PPARGC1B: variants seen among roughly 807,000 people sequenced by gnomAD.
The protein encoded by PPARGC1B is PPARG coactivator 1 beta.
PPARGC1B carries 34 observed loss-of-function variants against 101.6 expected under a neutral mutation model. The observed-to-expected ratio is 0.33, with a 90% CI of 0.25 to 0.45. PPARGC1B has a LOEUF of 0.45. Ranked by LOEUF, PPARGC1B falls within the 20% of genes least tolerant of loss-of-function variation. The pLI, the probability that PPARGC1B is intolerant of heterozygous loss-of-function variation, is 1.00. For missense variants in PPARGC1B, 1,234 were observed against 1,317.6 expected (o/e 0.94, Z 0.98); for synonymous variants, 548 against 539.3 (o/e 1.02, Z -0.22).
intron 8 of PPARGC1B, among the ~76,000 whole-genome samples, chr5:149,838,594 T>C (rs893054367): frequency 6.6e-6 from 1 of 152,240 alleles, no homozygotes; most frequent in Non-Finnish European, 1.5e-5. Flanking sequence ...GGAGCTTCCC[T>C]GGTCTCCTTT....
chr5:149,830,658 C>T, intron 3 of PPARGC1B, 109 bp from the exon 4 acceptor site: 4 of 760,366 alleles, frequency 5.3e-6, no homozygotes, highest in South Asian at 4.7e-5. Flanking sequence ...CCTGTGTTCT[C>T]CCTGTGGTCC....
chr5:149,849,803 G>C lies in PPARGC1B; in HGVS notation c.*2245G>C, dbSNP rs576248064. ...CCCACGTCCCCTTGCAGAGGGTGCA[G>C]GGGGCGGTAGACGAATGACAGACAG... On this transcript the variant is annotated 3_prime_UTR_variant, in exon 12 of 12. Coordinates refer to ENST00000309241, the MANE Select transcript of PPARGC1B (RefSeq NM_133263.4). The C allele has an allele frequency of 2.6e-5, 4 of 152,376 alleles. No individual in the cohort carries two copies. The highest frequency in any genetic ancestry group is 9.6e-5 in the African/African-American group (4 of 41,584). The allele number at this position is 152,376 out of a possible 1,614,324, so 9.4% of individuals were successfully genotyped here. A position where few individuals can be genotyped will look rare whatever the true frequency, so the allele number is the denominator to read the frequency against.
At chr5:149,800,045 TAAA>T (rs1757380118) in intron 1 of PPARGC1B, among the ~76,000 whole-genome samples, 1 of 150,672 alleles carries the variant, frequency 6.6e-6, no homozygotes, top group Non-Finnish European at 1.5e-5. Flanking sequence ...ATGATAAAAA[TAAA>T]AACCTTCAAA....
intron 1 of PPARGC1B, among the ~76,000 whole-genome samples, chr5:149,748,501 C>T (rs772454483): frequency 3.9e-5 from 6 of 152,040 alleles, no homozygotes; most frequent in Admixed American, 3.3e-4. Context: ...TCCTTGTGCA[C>T]GGGAAACCAG....
At chr5:149,754,985 A>G (rs991926885) in intron 1 of PPARGC1B, among the ~76,000 whole-genome samples, 1 of 148,276 alleles carries the variant, frequency 6.7e-6, no homozygotes, top group Non-Finnish European at 1.5e-5. Flanking sequence ...CACACTATAT[A>G]TATACACACA....
intron 1 of PPARGC1B, among the ~76,000 whole-genome samples, chr5:149,760,500 G>T (rs749358434): frequency 1.1e-4 from 16 of 152,196 alleles, no homozygotes; most frequent in Non-Finnish European, 1.3e-4. Context: ...CACAGAGTGG[G>T]TGTGAGAATT....
In PPARGC1B at chr5:149,833,731, G is replaced by T; in HGVS notation, c.1658G>T (p.Cys553Phe). ...CTGGAGAGCCCCTGTGAGAGTGGGT[G>T]TGGGGACATGGATGAGGACCCCAGC... ...PALESPCESG[C>F]GDMDEDPSCP... The change falls in exon 5 of 12, where the codon TGT becomes TTT. Residue 553 changes from cysteine (C) to phenylalanine (F), a missense_variant. Transcript: ENST00000309241. This position sits in a 1 kb window ranked among gnomAD's most constrained non-coding sequence, Gnocchi z 4.1. 1 of 1,586,874 alleles carries T rather than the reference G, an allele frequency of 6.3e-7. No homozygotes were observed. Among genetic ancestry groups the T allele is most frequent in the Non-Finnish European group, 8.5e-7 (1 of 1,169,872 alleles).
At chr5:149,787,291 G>A (rs1415502599) in intron 1 of PPARGC1B, among the ~76,000 whole-genome samples, 4 of 152,160 alleles carry the variant, frequency 2.6e-5, no homozygotes, top group Non-Finnish European at 5.9e-5. Context: ...CCAGGACTAG[G>A]TCATGGGCCC....
At chr5:149,768,508 A>G (rs561064236) in intron 1 of PPARGC1B, among the ~76,000 whole-genome samples, 1 of 137,446 alleles carries the variant, frequency 7.3e-6, no homozygotes, top group South Asian at 2.3e-4. Flanking sequence ...CAGTGGTGCC[A>G]TCTCGGCTCA....
intron 1 of PPARGC1B, among the ~76,000 whole-genome samples, chr5:149,744,641 A>G (rs1755025420): frequency 6.6e-6 from 1 of 152,250 alleles, no homozygotes; most frequent in South Asian, 2.1e-4. Flanking sequence ...AGTTATTTAT[A>G]AAGTTTGCAT....
rs1452368684 is a variant in PPARGC1B, at chr5:149,852,010, G to A, written c.*4452G>A. ...TTCTAGAGACTGGGACAGGGAGTTTGGGAATGGGGCTGCTGTCAGGTAGGA... is the reference window on the plus strand; with the variant it reads ...TTCTAGAGACTGGGACAGGGAGTTTAGGAATGGGGCTGCTGTCAGGTAGGA... On this transcript the variant is annotated 3_prime_UTR_variant, in exon 12 of 12. Transcript: ENST00000309241. 6.6e-6 allele frequency: 1 copy of A among 152,330 alleles called. No homozygotes were observed. The highest frequency in any genetic ancestry group is 1.9e-4 in the East Asian group (1 of 5,194). The allele number at this position is 152,330 out of a possible 1,614,324, so 9.4% of individuals were successfully genotyped here. A position where few individuals can be genotyped will look rare whatever the true frequency, so the allele number is the denominator to read the frequency against.
rs62383788 is a variant in PPARGC1B at position 149,852,092 on chromosome 5, C to A, written c.*4534C>A. ...GCAGGAGAGCCAGTGCTGGGGCCAACCCTTTGCTGGCCTTTTGTTGGAAGC... is the reference window on the plus strand; with the variant it reads ...GCAGGAGAGCCAGTGCTGGGGCCAAACCTTTGCTGGCCTTTTGTTGGAAGC... On this transcript the variant is annotated 3_prime_UTR_variant, in exon 12 of 12. Transcript: ENST00000309241. The A allele has an allele frequency of 0.046, 7,075 of 152,272 alleles. 208 individuals carry two copies. Among genetic ancestry groups the A allele is most frequent in the East Asian group, 0.13 (656 of 5,172 alleles). 9.4% of individuals were successfully genotyped at this position (152,272 alleles called of 1,614,324 possible).
At chr5:149,743,674 C>T (rs907525155) in intron 1 of PPARGC1B, among the ~76,000 whole-genome samples, 6 of 152,142 alleles carry the variant, frequency 3.9e-5, no homozygotes, top group Non-Finnish European at 7.4e-5. Flanking sequence ...TGCCTGGAGA[C>T]GTGCTAGGAT....
chr5:149,737,501 G>A (rs1268596741), intron 1 of PPARGC1B, among the ~76,000 whole-genome samples: 2 of 152,136 alleles, frequency 1.3e-5, no homozygotes, highest in Admixed American at 6.5e-5. Context: ...CTGTTTTGGC[G>A]ATGCCCTCTC....
intron 1 of PPARGC1B, among the ~76,000 whole-genome samples, chr5:149,777,859 C>T (rs1488056959): frequency 5.4e-5 from 5 of 92,520 alleles, no homozygotes; most frequent in African/African-American, 1.9e-4. Flanking sequence ...TGTAGCAGTG[C>T]CCCCCTCCCC....
chr5:149,826,964 A>G (rs1337623257), intron 3 of PPARGC1B, 79 bp downstream of exon 3: 2 of 1,118,080 alleles, frequency 1.8e-6, no homozygotes, highest in Admixed American at 4.1e-5. Context: ...GTGCAGAGCA[A>G]TCCGCTCCAG....
At position 149,836,800 on chromosome 5, in the gene PPARGC1B, C is replaced by A; in HGVS notation, c.2345C>A (p.Ser782Tyr). ...ETALEEEDLA[S>Y]CKSPEYDTVF... Reference sequence around the variant, plus strand: ...GCCCTGGAGGAGGAAGACCTGGCCTCCTGCAAGAGCCCTGAGTATGACACT... The same window carrying A: ...GCCCTGGAGGAGGAAGACCTGGCCTACTGCAAGAGCCCTGAGTATGACACT... The change falls in exon 8 of 12, where the codon TCC becomes TAC. Residue 782 changes from serine to tyrosine, a missense_variant. Around this residue, in one of 3 missense-constraint regions of PPARGC1B, gnomAD observed 497 missense variants for 529.5 expected, o/e 0.94. Coordinates refer to ENST00000309241, the MANE Select transcript of PPARGC1B (RefSeq NM_133263.4). The A allele has an allele frequency of 6.2e-7, 1 of 1,613,590 alleles. No individual in the cohort carries two copies. The highest frequency in any genetic ancestry group is 8.5e-7 in the Non-Finnish European group (1 of 1,180,030).
chr5:149,803,143 ATATG>A (rs1757486819), intron 1 of PPARGC1B, among the ~76,000 whole-genome samples: 1 of 152,176 alleles, frequency 6.6e-6, no homozygotes, highest in Non-Finnish European at 1.5e-5. Flanking sequence ...CAGTGCTGGA[ATATG>A]GGGGACTGAG....
intron 1 of PPARGC1B, among the ~76,000 whole-genome samples, chr5:149,763,999 T>C (rs1372085346): frequency 6.6e-6 from 1 of 152,156 alleles, no homozygotes; most frequent in Non-Finnish European, 1.5e-5. Flanking sequence ...GCTTTTCCCC[T>C]TTATTGGTCA....
Sources: gnomAD v4.1 joint callset for allele counts (sites outside exome capture counted in the v4.1 genomes callset) on GRCh38, gnomAD v4.1.1 for gene constraint, gnomAD v4.1.1 regional missense constraint, Gnocchi (gnomAD v3.1) non-coding constraint, MANE v1.5 for transcripts, NCBI Gene and HGNC (gene_info 2026-07-23, HGNC 2026-07-21) for gene names.